The following ZBTB20 variants were observed in gnomAD, a reference collection of about 807,000 sequenced individuals.
ZBTB20 encodes the protein zinc finger and BTB domain-containing protein 20.
In ZBTB20, 9 loss-of-function variants were observed where a neutral mutation model predicts 56.9. The ratio of observed to expected loss-of-function variants is 0.16; its 90% CI spans 0.10 to 0.28. ZBTB20 has a LOEUF of 0.28. Ranked by LOEUF, ZBTB20 falls within the 10% of genes least tolerant of loss-of-function variation. ZBTB20 has a pLI of 1.00. For missense variants in ZBTB20, 655 were observed against 1,003.0 expected (o/e 0.65, Z 4.69); for synonymous variants, 417 against 420.7 (o/e 0.99, Z 0.11).
intron 3 of ZBTB20, among the ~76,000 whole-genome samples, chr3:114,911,318 G>C (rs2107709729): frequency 6.6e-6 from 1 of 152,042 alleles, no homozygotes; most frequent in Admixed American, 6.6e-5. Flanking sequence ...AAAGGGGCCT[G>C]GAAGAAGTCA....
intron 4 of ZBTB20, among the ~76,000 whole-genome samples, chr3:114,882,839 T>A (rs941388290): frequency 2.6e-5 from 4 of 152,176 alleles, no homozygotes; most frequent in African/African-American, 4.8e-5. Context: ...TCACTTTATA[T>A]CCTTGTGTAC....
chr3:114,700,522 C>T (rs2063329544), intron 5 of ZBTB20, among the ~76,000 whole-genome samples: 1 of 152,108 alleles, frequency 6.6e-6, no homozygotes, highest in Non-Finnish European at 1.5e-5. Flanking sequence ...AGAGCAAAGG[C>T]TCATGATCTC....
At chr3:114,796,102 G>A (rs896553725) in intron 5 of ZBTB20, among the ~76,000 whole-genome samples, 1 of 151,942 alleles carries the variant, frequency 6.6e-6, no homozygotes, top group Non-Finnish European at 1.5e-5. Flanking sequence ...CAGTTTTGGA[G>A]GCTACAAGTC....
At chr3:114,590,784 T>C (rs1476559432) in intron 6 of ZBTB20, among the ~76,000 whole-genome samples, 3 of 152,164 alleles carry the variant, frequency 2.0e-5, no homozygotes, top group Non-Finnish European at 4.4e-5. Context: ...AGAAAGTGCC[T>C]GGAAAATGTG....
chr3:114,667,461 A>C (rs1051462103), intron 6 of ZBTB20, among the ~76,000 whole-genome samples: 1 of 151,960 alleles, frequency 6.6e-6, no homozygotes, highest in Admixed American at 6.6e-5. Flanking sequence ...ATACTTTCCA[A>C]CTGCCCACCC....
At position 114,610,017 on chromosome 3, in the gene ZBTB20, C is replaced by T. The variant is rs1480828954; in HGVS notation, c.-295+83511G>A. ...ACGAGAACTAACAAGCTGCCCCTAG[C>T]CTCCTTCAGGACTTAAATGATAAAG... On this transcript the variant is annotated intron_variant, in intron 6 of 11. Coordinates refer to ENST00000675478, the MANE Select transcript of ZBTB20 (RefSeq NM_001348800.3). 1.2e-4 allele frequency among the ~76,000 whole-genome samples: 19 copies of T among 152,302 alleles called. 1 individual carries two copies. The highest frequency in any genetic ancestry group is 1.2e-3 in the Admixed American group (18 of 15,286).
intron 10 of ZBTB20, among the ~76,000 whole-genome samples, chr3:114,373,428 C>G (rs1384164473): frequency 7.9e-5 from 12 of 152,178 alleles, no homozygotes; most frequent in Admixed American, 7.9e-4. Flanking sequence ...ATAAGAAGGC[C>G]TCAGTGTCAT....
chr3:114,605,665 C>A (rs1302114089), intron 6 of ZBTB20, among the ~76,000 whole-genome samples: 1 of 152,058 alleles, frequency 6.6e-6, no homozygotes, highest in Non-Finnish European at 1.5e-5. Context: ...TTGACTTAAG[C>A]ATAAATAGCT....
intron 5 of ZBTB20, among the ~76,000 whole-genome samples, chr3:114,720,298 C>T (rs1051373116): frequency 1.7e-4 from 26 of 150,720 alleles, no homozygotes; most frequent in African/African-American, 5.8e-4. Flanking sequence ...ATATAGATGA[C>T]ACCTCGTACT....
intron 5 of ZBTB20, among the ~76,000 whole-genome samples, chr3:114,725,468 T>C (rs926926824): frequency 1.3e-5 from 2 of 152,190 alleles, no homozygotes; most frequent in Non-Finnish European, 2.9e-5. Context: ...CTCCTCTAAA[T>C]GCATTGTAGA....
At chr3:114,565,908 T>C (rs1475162692) in intron 6 of ZBTB20, among the ~76,000 whole-genome samples, 3 of 152,200 alleles carry the variant, frequency 2.0e-5, no homozygotes, top group Non-Finnish European at 4.4e-5. Context: ...AAATTTGCTC[T>C]TACAGGGAGC....
intron 2 of ZBTB20, among the ~76,000 whole-genome samples, chr3:115,041,689 T>C (rs1314770740): frequency 6.6e-6 from 1 of 152,202 alleles, no homozygotes; most frequent in African/African-American, 2.4e-5. Context: ...GTTGATAATA[T>C]GTTAACAAGA....
chr3:114,402,059 A>G (rs569729225), intron 7 of ZBTB20, among the ~76,000 whole-genome samples: 124 of 152,268 alleles, frequency 8.1e-4, no homozygotes, highest in African/African-American at 2.8e-3. Context: ...ACAGATGGCA[A>G]TCACATCCTG....
At chr3:115,110,985 A>C (rs1017293944) in intron 1 of ZBTB20, among the ~76,000 whole-genome samples, 3 of 149,210 alleles carry the variant, frequency 2.0e-5, no homozygotes, top group African/African-American at 7.4e-5. Context: ...GTGAGACTCC[A>C]TCTCAAAAAA....
Position 114,334,331 on chromosome 3 carries a change from C to T in ZBTB20, c.*4674G>A, listed in dbSNP as rs1465371847. Reference sequence around the variant, plus strand: ...TGGAGGAGCCCCAACAAGGAAGCAACATATGGCTTTATTATGTTTTCTCAG... The same window carrying T: ...TGGAGGAGCCCCAACAAGGAAGCAATATATGGCTTTATTATGTTTTCTCAG... On this transcript the variant is annotated 3_prime_UTR_variant, in exon 12 of 12. Coordinates refer to ENST00000675478, the MANE Select transcript of ZBTB20 (RefSeq NM_001348800.3). 2.6e-5 allele frequency: 4 copies of T among 152,166 alleles called. No individual in the cohort carries two copies. The highest frequency in any genetic ancestry group is 4.8e-5 in the African/African-American group (2 of 41,430). 9.4% of individuals were successfully genotyped at this position (152,166 alleles called of 1,614,324 possible). A position where few individuals can be genotyped will look rare whatever the true frequency, so the allele number is the denominator to read the frequency against.
At chr3:115,060,567 T>C (rs951592718) in intron 2 of ZBTB20, among the ~76,000 whole-genome samples, 1 of 152,180 alleles carries the variant, frequency 6.6e-6, no homozygotes. Flanking sequence ...GGAGCTTCCA[T>C]GTTTTACTCT....
intron 1 of ZBTB20, among the ~76,000 whole-genome samples, chr3:115,099,056 T>A (rs2083483086): frequency 6.6e-6 from 1 of 152,158 alleles, no homozygotes; most frequent in African/African-American, 2.4e-5. Flanking sequence ...CCATTTCAAA[T>A]GGCCCTTATT....
rs113318938 is a variant in ZBTB20 at position 114,940,222 on chromosome 3, G to A, written c.-456+34144C>T. Among the ~76,000 whole-genome samples, 4 of 146,366 alleles carry A rather than the reference G, an allele frequency of 2.7e-5. 1 individual carries two copies. Among genetic ancestry groups the A allele is most frequent in the African/African-American group, 1.1e-4 (4 of 36,038 alleles). On this transcript the variant is annotated intron_variant, in intron 3 of 11. Coordinates refer to ENST00000675478, the MANE Select transcript of ZBTB20 (RefSeq NM_001348800.3). ...TCTATTCTAGAATTGTTTATAGAAAGTGCATAATTTAAGCCCATATGTCCC... is the reference window on the plus strand; with the variant it reads ...TCTATTCTAGAATTGTTTATAGAAAATGCATAATTTAAGCCCATATGTCCC...
intron 7 of ZBTB20, among the ~76,000 whole-genome samples, chr3:114,401,670 T>A (rs1045257897): frequency 6.6e-6 from 1 of 152,106 alleles, no homozygotes; most frequent in African/African-American, 2.4e-5. Context: ...TTCCCATGAG[T>A]ACACTCTCTG....
Sources: allele counts gnomAD v4.1 joint callset (sites outside exome capture counted in the v4.1 genomes callset), GRCh38; gene constraint gnomAD v4.1.1; transcripts MANE v1.5; gene names NCBI Gene and HGNC (gene_info 2026-07-23, HGNC 2026-07-21).